The following PEX19 variants were observed in gnomAD, a reference collection of about 807,000 sequenced individuals.
PEX19 encodes 33 kDa housekeeping protein.
PEX19 carries 29 observed loss-of-function variants against 36.3 expected under a neutral mutation model. The observed-to-expected ratio is 0.80, with a 90% confidence interval of 0.60 to 1.09. The LOEUF (loss-of-function observed/expected upper bound fraction) is 1.09. Among genes scored for constraint, PEX19 ranks in the 50% least tolerant of loss-of-function variants. The pLI, the probability that PEX19 is intolerant of heterozygous loss-of-function variation, is 0.00. For synonymous variants in PEX19, 141 were observed against 135.2 expected (o/e 1.04, Z -0.30); for missense variants, 396 against 368.1 (o/e 1.08, Z -0.62).
Position 160,278,019 on chromosome 1 carries a change from C to T in PEX19, c.*1532G>A, listed in dbSNP as rs1250452395. ...GGGGTGAAAAGTTTTAACCTCGGGG[C>T]AAGTGACATGTCAGAAGCTCAAAGC... On this transcript the variant is annotated 3_prime_UTR_variant, in exon 8 of 8. Coordinates refer to ENST00000368072, the MANE Select transcript of PEX19 (RefSeq NM_002857.4). 1 of 699,944 alleles carries T rather than the reference C, an allele frequency of 1.4e-6. No individual in the cohort carries two copies. The highest frequency in any genetic ancestry group is 2.6e-6 in the Non-Finnish European group (1 of 383,618). 43.4% of individuals were successfully genotyped at this position (699,944 alleles called of 1,614,324 possible).
rs960010341 is a variant in PEX19, at chr1:160,277,931, T to C, written c.*1620A>G. On this transcript the variant is annotated 3_prime_UTR_variant, in exon 8 of 8. Transcript: ENST00000368072. ...GGTATAGGAGTTGGAATTTCCCAAA[T>C]AGCCTGAGACCTTGAGAACATTTCC... The C allele has an allele frequency of 7.2e-6, 5 of 690,012 alleles. No homozygotes were observed. The East Asian group carries it at 1.4e-4, about 19-fold the overall frequency. The allele number at this position is 690,012 out of a possible 1,614,324, so 42.7% of individuals were successfully genotyped here.
rs1206899315 is a variant in PEX19, at chr1:160,279,053, C to T, written c.*498G>A. 4.4e-6 allele frequency: 2 copies of T among 454,418 alleles called. No individual in the cohort carries two copies. Among genetic ancestry groups the T allele is most frequent in the Non-Finnish European group, 8.8e-6 (2 of 226,988 alleles). 28.1% of individuals were successfully genotyped at this position (454,418 alleles called of 1,614,324 possible). ...AATGGTCTGTCTGAAGGCAAGAGAG[C>T]ATAGTGACAGACCTGTAGCCCCAGC... On this transcript the variant is annotated 3_prime_UTR_variant, in exon 8 of 8. Transcript: ENST00000368072.
Position 160,279,798 on chromosome 1 carries a change from C to G in PEX19, c.816+3G>C. 1 of 1,611,814 alleles carries G rather than the reference C, an allele frequency of 6.2e-7. No individual in the cohort carries two copies. Among genetic ancestry groups the G allele is most frequent in the Non-Finnish European group, 8.5e-7 (1 of 1,177,914 alleles). On this transcript the variant is annotated splice_donor_region_variant and intron_variant, in intron 7 of 7. Transcript: ENST00000368072. ...AAAATCTGGAAAAATAAGACATACT[C>G]ACCATCTCTCCAGCCAGCTCTTTTG...
In PEX19 at chr1:160,278,990, G is replaced by A. The variant is rs1478944230; in HGVS notation, c.*561C>T. 8.8e-6 allele frequency: 4 copies of A among 454,138 alleles called. No individual in the cohort carries two copies. The highest frequency in any genetic ancestry group is 1.6e-5 in the South Asian group (1 of 64,478). 28.1% of individuals were successfully genotyped at this position (454,138 alleles called of 1,614,324 possible). A position where few individuals can be genotyped will look rare whatever the true frequency, so the allele number is the denominator to read the frequency against. ...AAGGCCTCTCTTTCAACTCTATTGT[G>A]ATTAGATGCAAAAGCCCTTTCCCTT... On this transcript the variant is annotated 3_prime_UTR_variant, in exon 8 of 8. Coordinates refer to ENST00000368072, the MANE Select transcript of PEX19 (RefSeq NM_002857.4).
intron 2 of PEX19, 101 bp downstream of exon 2, chr1:160,283,429 A>C: frequency 1.2e-6 from 1 of 817,058 alleles, no homozygotes; most frequent in Non-Finnish European, 2.0e-6. Flanking sequence ...AGGCCAAGGT[A>C]CCCTCCCACA....
rs8989 is a variant in PEX19 at position 160,278,653 on chromosome 1, T to C, written c.*898A>G. On this transcript the variant is annotated 3_prime_UTR_variant, in exon 8 of 8. Coordinates refer to ENST00000368072, the MANE Select transcript of PEX19 (RefSeq NM_002857.4). ...GTATCTGGGGAAGAATAGCCATTAA[T>C]TTCCTAGACCTGACACTGGGTTTAT... is the stretch of plus-strand genomic sequence containing the variant. 10,305 of 454,310 alleles carry C rather than the reference T, an allele frequency of 0.023. 164 individuals carry two copies. Among genetic ancestry groups the C allele is most frequent in the Non-Finnish European group, 0.033 (7,471 of 226,942 alleles). The allele number at this position is 454,310 out of a possible 1,614,324, so 28.1% of individuals were successfully genotyped here. A position where few individuals can be genotyped will look rare whatever the true frequency, so the allele number is the denominator to read the frequency against.
rs1557853038 is a variant in PEX19 at position 160,279,433 on chromosome 1, A to ACAGAGGG, written c.*111_*117dup. The ACAGAGGG allele has an allele frequency of 1.2e-6, 1 of 834,578 alleles. No homozygotes were observed. The highest frequency in any genetic ancestry group is 2.1e-6 in the Non-Finnish European group (1 of 478,186). The allele number at this position is 834,578 out of a possible 1,614,324, so 51.7% of individuals were successfully genotyped here. A position where few individuals can be genotyped will look rare whatever the true frequency, so the allele number is the denominator to read the frequency against. ...GTATGGCACAATCTTGAATGGGATG[A>ACAGAGGG]CAGAGGGCAGCGGGCAGACTTCTCC... On this transcript the variant is annotated 3_prime_UTR_variant, in exon 8 of 8. Coordinates refer to ENST00000368072, the MANE Select transcript of PEX19 (RefSeq NM_002857.4).
intron 3 of PEX19, 144 bp downstream of exon 3, chr1:160,282,800 C>T (rs566100363): frequency 8.0e-5 from 69 of 866,992 alleles, no homozygotes; most frequent in Non-Finnish European, 1.1e-4. Flanking sequence ...AACAGGGATT[C>T]CCATCCTTTC....
At position 160,278,177 on chromosome 1, in the gene PEX19, A is replaced by G. The variant is rs747898816; in HGVS notation, c.*1374T>C. On this transcript the variant is annotated 3_prime_UTR_variant, in exon 8 of 8. Coordinates refer to ENST00000368072, the MANE Select transcript of PEX19 (RefSeq NM_002857.4). ...CGTAGACCCACTGGGAGCCACAGAAAAAAAGCCACGTCAGCTTAAAGAAAA... is the reference window on the plus strand; with the variant it reads ...CGTAGACCCACTGGGAGCCACAGAAGAAAAGCCACGTCAGCTTAAAGAAAA... 1.4e-5 allele frequency: 10 copies of G among 702,490 alleles called. No homozygotes were observed. In the South Asian group the frequency reaches 1.5e-4, roughly 10 times the overall value. 43.5% of individuals were successfully genotyped at this position (702,490 alleles called of 1,614,324 possible).
At position 160,277,973 on chromosome 1, in the gene PEX19, T is replaced by C. The variant is rs1001110734; in HGVS notation, c.*1578A>G. The C allele has an allele frequency of 7.2e-6, 5 of 696,398 alleles. No individual in the cohort carries two copies. Among genetic ancestry groups the C allele is most frequent in the East Asian group, 5.4e-5 (2 of 36,896 alleles). The allele number at this position is 696,398 out of a possible 1,614,324, so 43.1% of individuals were successfully genotyped here. A position where few individuals can be genotyped will look rare whatever the true frequency, so the allele number is the denominator to read the frequency against. On this transcript the variant is annotated 3_prime_UTR_variant, in exon 8 of 8. Coordinates refer to ENST00000368072, the MANE Select transcript of PEX19 (RefSeq NM_002857.4). ...AACATTTCCTTCCTCACCAATACCA[T>C]AAAACATGTAAGGTCTTCAAGGGGT...
intron 3 of PEX19, 76 bp from the exon 4 acceptor site, chr1:160,282,578 A>G (rs1247001815): frequency 9.2e-7 from 1 of 1,091,080 alleles, no homozygotes; most frequent in Admixed American, 1.7e-5. Context: ...AACAGCTTGG[A>G]TATGAAGCAT....
At chr1:160,285,001 A>T in intron 1 of PEX19, 54 bp downstream of exon 1, 1 of 1,295,520 alleles carries the variant, frequency 7.7e-7, no homozygotes, top group Non-Finnish European at 1.1e-6. Flanking sequence ...CTTAACCCCC[A>T]GAATGGGTCC....
In PEX19 at chr1:160,278,191, G is replaced by A; in HGVS notation, c.*1360C>T. The A allele has an allele frequency of 1.4e-6, 1 of 702,500 alleles. No homozygotes were observed. The highest frequency in any genetic ancestry group is 2.7e-5 in the East Asian group (1 of 37,294). The allele number at this position is 702,500 out of a possible 1,614,324, so 43.5% of individuals were successfully genotyped here. The stretch of plus-strand genomic sequence containing the variant: ...GAGCCACAGAAAAAAAGCCACGTCA[G>A]CTTAAAGAAAAATAATTTAGAAAAC... On this transcript the variant is annotated 3_prime_UTR_variant, in exon 8 of 8. Transcript: ENST00000368072.
chr1:160,282,185 C>T lies in PEX19; in HGVS notation c.448G>A (p.Glu150Lys). 2 of 1,614,134 alleles carry T rather than the reference C, an allele frequency of 1.2e-6. No homozygotes were observed. Among genetic ancestry groups the T allele is most frequent in the Non-Finnish European group, 8.5e-7 (1 of 1,180,026 alleles). The change falls in exon 5 of 8, where the codon GAA becomes AAA. Residue 150 changes from glutamate to lysine, a missense_variant. Transcript: ENST00000368072. ...TCCATGGCCTTGGTCAGCTCTTCTT[C>T]CGACATGCTGGAGTTCTAGATAGGA... ...ATDLQNSSMS[E>K]EELTKAMEGL...
chr1:160,279,740 G>T, intron 7 of PEX19, 61 bp downstream of exon 7: 1 of 1,556,480 alleles, frequency 6.4e-7, no homozygotes, highest in Non-Finnish European at 8.9e-7. Flanking sequence ...ATCCTGAGAG[G>T]TTAAAGAATT....
rs1399277810 is a variant in PEX19, at chr1:160,282,081, G to A, written c.552C>T (p.Ser184=). 1.6e-5 allele frequency: 26 copies of A among 1,613,890 alleles called. No homozygotes were observed. Among genetic ancestry groups the A allele is most frequent in the Non-Finnish European group, 2.1e-5 (25 of 1,179,912 alleles). ...TCAGTGATGGGTACAGCACATCCTT[G>A]GAGAGTAGGTTCTGCATAATACTCT... ...IMQSIMQNLL[S]KDVLYPSLKE... is the part of the protein sequence containing the mutation. The change falls in exon 5 of 8, where the codon TCC becomes TCT. Residue 184 remains serine (S), a synonymous_variant. Coordinates refer to ENST00000368072, the MANE Select transcript of PEX19 (RefSeq NM_002857.4).
At chr1:160,282,348 CT>C in intron 4 of PEX19, 68 bp downstream of exon 4, 1 of 1,442,288 alleles carries the variant, frequency 6.9e-7, no homozygotes, top group Non-Finnish European at 9.8e-7. Context: ...AAGCATCTGT[CT>C]TTTGAGACTC....
rs1283538995 is a variant in PEX19, at chr1:160,277,366, G to A, written c.*2185C>T. On this transcript the variant is annotated 3_prime_UTR_variant, in exon 8 of 8. Coordinates refer to ENST00000368072, the MANE Select transcript of PEX19 (RefSeq NM_002857.4). ...TGCTGTCAAACTTGCCGGGTCGGCA[G>A]CACACAGTGTGAACTCCATACCTGT... is the stretch of plus-strand genomic sequence containing the variant. The A allele has an allele frequency of 2.2e-6, 1 of 456,112 alleles. No individual in the cohort carries two copies. Among genetic ancestry groups the A allele is most frequent in the Admixed American group, 2.3e-5 (1 of 42,584 alleles). 28.3% of individuals were successfully genotyped at this position (456,112 alleles called of 1,614,324 possible).
rs772984860 is a variant in PEX19 at position 160,280,240 on chromosome 1, C to T, written c.601G>A (p.Glu201Lys). The T allele has an allele frequency of 8.1e-6, 13 of 1,613,488 alleles. No individual in the cohort carries two copies. Among genetic ancestry groups the T allele is most frequent in the African/African-American group, 2.7e-5 (2 of 74,874 alleles). ...GATTCCCGATGACTCTGCAACCATT[C>T]TGGATACTAAGAAAAGAGAGAATGG... ...SLKEITEKYPEWLQSHRESLP... is the reference protein window; with the variant it reads ...SLKEITEKYPKWLQSHRESLP... The change falls in exon 6 of 8, where the codon GAA becomes AAA. Residue 201 changes from glutamate (E) to lysine (K), a missense_variant. Transcript: ENST00000368072.
Sources: allele counts gnomAD v4.1 joint callset, GRCh38; gene constraint gnomAD v4.1.1; transcripts MANE v1.5; gene names NCBI Gene and HGNC (gene_info 2026-07-23, HGNC 2026-07-21).